Variants in ASAP1 observed in about 807,000 individuals in gnomAD.
ASAP1 encodes ArfGAP with SH3 domain, ankyrin repeat and PH domain 1, also known as arf-GAP with SH3 domain, ANK repeat and PH domain-containing protein 1.
ASAP1 carries 43 observed loss-of-function variants against 145.2 expected under a neutral mutation model. The ratio of observed to expected loss-of-function variants is 0.30; its 90% CI spans 0.23 to 0.38. ASAP1 has a LOEUF of 0.38. Ranked by LOEUF, ASAP1 falls within the 10% of genes least tolerant of loss-of-function variation. ASAP1 has a pLI of 1.00. For missense variants in ASAP1, 1,018 were observed against 1,355.3 expected, an observed-to-expected ratio of 0.75 and a Z score of 3.91; for synonymous variants, 546 against 515.5, an observed-to-expected ratio of 1.06 and a Z score of -0.80.
intron 24 of ASAP1, among the ~76,000 whole-genome samples, chr8:130,110,804 T>C (rs1350356065): frequency 6.6e-6 from 1 of 152,186 alleles, no homozygotes; most frequent in Admixed American, 6.5e-5. Context: ...AAAAACACTG[T>C]TTTGAATAAA....
At position 130,119,483 on chromosome 8, in the gene ASAP1, G is replaced by A. The variant is rs151299240; in HGVS notation, c.1608-808C>T. ...ACTTCCGTTCAAGTGTTTCTGGTGG[G>A]ACTGAGCTCACCTCCCAGCCACAGG... is the stretch of plus-strand genomic sequence containing the variant. On this transcript the variant is annotated intron_variant, in intron 18 of 29. Transcript: ENST00000518721. Among the ~76,000 whole-genome samples the A allele has an allele frequency of 5.3e-4, 80 of 152,314 alleles. 1 individual carries two copies. In the East Asian group the frequency reaches 0.015, roughly 29 times the overall value.
Position 130,382,457 on chromosome 8 carries a change from C to T in ASAP1, c.59+19428G>A, listed in dbSNP as rs182349521. ...GTGTTGAATAAGTAACAAGTAACTG[C>T]TCTGATAAAGGAGAAGCAGAACAGG... On this transcript the variant is annotated intron_variant, in intron 2 of 29. Coordinates refer to ENST00000518721, the MANE Select transcript of ASAP1 (RefSeq NM_018482.4). 2.0e-5 allele frequency among the ~76,000 whole-genome samples: 3 copies of T among 152,250 alleles called. No individual in the cohort carries two copies. The East Asian group carries it at 5.8e-4, about 29-fold the overall frequency.
intron 4 of ASAP1, among the ~76,000 whole-genome samples, chr8:130,233,556 C>T (rs1467535528): frequency 6.6e-6 from 1 of 152,184 alleles, no homozygotes; most frequent in African/African-American, 2.4e-5. Context: ...TAGCCTAGTA[C>T]AGTATAAATA....
intron 2 of ASAP1, among the ~76,000 whole-genome samples, chr8:130,373,109 T>TACACACACACACACAC (rs147535116): frequency 1.6e-5 from 2 of 127,618 alleles, no homozygotes; most frequent in African/African-American, 6.0e-5. Flanking sequence ...CAGAAATACA[T>TACACACACACACACAC]ATACACACAC....
intron 2 of ASAP1, among the ~76,000 whole-genome samples, chr8:130,372,510 T>C (rs1827257665): frequency 6.6e-6 from 1 of 152,246 alleles, no homozygotes; most frequent in African/African-American, 2.4e-5. Context: ...GTATTATCTA[T>C]ACCCCAACAG....
At chr8:130,124,779 GTTTAGGA>G (rs1449442875) in intron 17 of ASAP1, among the ~76,000 whole-genome samples, 2 of 152,102 alleles carry the variant, frequency 1.3e-5, no homozygotes, top group Non-Finnish European at 2.9e-5. Flanking sequence ...CATGGCAAAC[GTTTAGGA>G]TTTGGACTTT....
chr8:130,134,772 G>C (rs2097590630), intron 14 of ASAP1, among the ~76,000 whole-genome samples: 1 of 152,234 alleles, frequency 6.6e-6, no homozygotes, highest in African/African-American at 2.4e-5. Context: ...ACAAACTGGA[G>C]AGTGCCAGCT....
At chr8:130,132,821 TCTCA>T (rs1466957360) in intron 15 of ASAP1, among the ~76,000 whole-genome samples, 32 of 149,822 alleles carry the variant, frequency 2.1e-4, no homozygotes, top group Non-Finnish European at 3.0e-4. Context: ...CTACCTTCTC[TCTCA>T]GTTTTCTTTC....
intron 12 of ASAP1, among the ~76,000 whole-genome samples, chr8:130,159,297 T>G (rs977421426): frequency 6.6e-6 from 1 of 151,776 alleles, no homozygotes; most frequent in African/African-American, 2.4e-5. Flanking sequence ...GGTGGCCTGG[T>G]GAGCAACAGG....
intron 3 of ASAP1, among the ~76,000 whole-genome samples, chr8:130,304,045 T>A (rs953542545): frequency 6.6e-6 from 1 of 152,036 alleles, no homozygotes; most frequent in African/African-American, 2.4e-5. Flanking sequence ...ACAGTGGCAA[T>A]GGTAGCAAAA....
At chr8:130,323,714 CTA>C (rs1209067575) in intron 3 of ASAP1, among the ~76,000 whole-genome samples, 1 of 152,134 alleles carries the variant, frequency 6.6e-6, no homozygotes, top group Non-Finnish European at 1.5e-5. Flanking sequence ...ATTTATCATA[CTA>C]TATTAAAATT....
chr8:130,360,681 G>A (rs1399624522), intron 2 of ASAP1: 1 of 152,148 alleles, frequency 6.6e-6, no homozygotes, highest in East Asian at 1.9e-4. Context: ...AAATAAACAG[G>A]CACCCACTTT....
chr8:130,380,864 C>A (rs889833176), intron 2 of ASAP1, among the ~76,000 whole-genome samples: 2 of 151,932 alleles, frequency 1.3e-5, no homozygotes, highest in African/African-American at 4.8e-5. Context: ...AGTACAGTTG[C>A]GCACCACTAC....
At chr8:130,144,876 T>C (rs1369265992) in intron 13 of ASAP1, among the ~76,000 whole-genome samples, 2 of 152,210 alleles carry the variant, frequency 1.3e-5, no homozygotes, top group African/African-American at 2.4e-5. Flanking sequence ...GCAGAATGTA[T>C]GTATATGTGA....
At chr8:130,356,698 G>C (rs981878659) in intron 3 of ASAP1, among the ~76,000 whole-genome samples, 4 of 152,154 alleles carry the variant, frequency 2.6e-5, no homozygotes, top group Admixed American at 2.0e-4. Flanking sequence ...TTCAGTCATA[G>C]CACCAAGCAG....
chr8:130,370,265 G>A (rs1452926759), intron 2 of ASAP1, among the ~76,000 whole-genome samples: 3 of 152,176 alleles, frequency 2.0e-5, no homozygotes, highest in Non-Finnish European at 4.4e-5. Flanking sequence ...TCACACCGTT[G>A]CATTCCAGCC....
chr8:130,075,288 C>T (rs1049642194), intron 27 of ASAP1, among the ~76,000 whole-genome samples: 7 of 152,324 alleles, frequency 4.6e-5, no homozygotes, highest in Admixed American at 1.3e-4. Flanking sequence ...ATCTGTTCTA[C>T]GGAAAGTGAA....
At chr8:130,393,120 C>G (rs1828363215) in intron 2 of ASAP1, among the ~76,000 whole-genome samples, 1 of 151,884 alleles carries the variant, frequency 6.6e-6, no homozygotes, top group Non-Finnish European at 1.5e-5. Flanking sequence ...ATCCTTCTGC[C>G]CCTAATTTGT....
At chr8:130,071,868 C>A (rs2097447336) in intron 27 of ASAP1, among the ~76,000 whole-genome samples, 1 of 152,090 alleles carries the variant, frequency 6.6e-6, no homozygotes. Flanking sequence ...ATAAAGGATC[C>A]ACAGTAGAAA....
Sources: allele counts gnomAD v4.1 joint callset (sites outside exome capture counted in the v4.1 genomes callset), GRCh38; gene constraint gnomAD v4.1.1; transcripts MANE v1.5; gene names NCBI Gene and HGNC (gene_info 2026-07-23, HGNC 2026-07-21).